Variants in KCNH7 observed in about 807,000 individuals in gnomAD.
KCNH7 encodes voltage-gated inwardly rectifying potassium channel KCNH7.
Under a neutral mutation model 120.8 loss-of-function variants are expected in KCNH7, and 49 were observed. The ratio of observed to expected loss-of-function variants is 0.41; its 90% CI spans 0.32 to 0.51. The LOEUF (loss-of-function observed/expected upper bound fraction) is 0.51. Ranked by LOEUF, KCNH7 falls within the 20% of genes least tolerant of loss-of-function variation. KCNH7 has a pLI of 0.38. For synonymous variants in KCNH7, 547 were observed against 516.1 expected (o/e 1.06, Z -0.81); for missense variants, 1,097 against 1,446.6 (o/e 0.76, Z 3.92).
chr2:162,513,297 CCCTCCTTCCCTCCT>C (rs1691153297), intron 4 of KCNH7, among the ~76,000 whole-genome samples: 1 of 146,700 alleles, frequency 6.8e-6, no homozygotes, highest in Non-Finnish European at 1.5e-5. Context: ...CTCCTTCCTT[CCCTCCTTCCCTCCT>C]TCCTTCTTTC....
chr2:162,716,950 T>C (rs1687143764), intron 2 of KCNH7, among the ~76,000 whole-genome samples: 1 of 150,702 alleles, frequency 6.6e-6, no homozygotes, highest in South Asian at 2.1e-4. Flanking sequence ...TCTGTGATTA[T>C]AGAAAAAATC....
At position 162,482,432 on chromosome 2, in the gene KCNH7, G is replaced by GGT. The variant is rs373503853; in HGVS notation, c.1128+22009_1128+22010dup. Among the ~76,000 whole-genome samples, 104 of 151,598 alleles carry GGT rather than the reference G, an allele frequency of 6.9e-4. 2 individuals are homozygous for GGT. In the South Asian group the frequency reaches 9.8e-3, roughly 14 times the overall value. On this transcript the variant is annotated intron_variant, in intron 6 of 15. Coordinates refer to ENST00000332142, the MANE Select transcript of KCNH7 (RefSeq NM_033272.4). ...GAGCAAATGCCAAAATGTCTTCTGT[G>GGT]GTGTGTGTGTGTGTATGCTTGTTTT... is the stretch of plus-strand genomic sequence containing the variant.
intron 2 of KCNH7, among the ~76,000 whole-genome samples, chr2:162,690,183 G>A (rs1686051068): frequency 6.6e-6 from 1 of 152,034 alleles, no homozygotes; most frequent in Non-Finnish European, 1.5e-5. Flanking sequence ...AAATGATGAG[G>A]ATACTTGGAC....
chr2:162,783,511 T>C (rs1051100423), intron 2 of KCNH7, among the ~76,000 whole-genome samples: 3 of 152,222 alleles, frequency 2.0e-5, no homozygotes, highest in Admixed American at 6.5e-5. Context: ...GGCTTTTCTG[T>C]AGCAGACGGA....
At chr2:162,767,100 T>A (rs1249301268) in intron 2 of KCNH7, among the ~76,000 whole-genome samples, 1 of 152,170 alleles carries the variant, frequency 6.6e-6, no homozygotes, top group Non-Finnish European at 1.5e-5. Context: ...ATAATATGAA[T>A]GTAAAATAAT....
chr2:162,417,305 T>C (rs1230564764), intron 9 of KCNH7, among the ~76,000 whole-genome samples: 1 of 152,182 alleles, frequency 6.6e-6, no homozygotes, highest in East Asian at 1.9e-4. Flanking sequence ...AACTGAACTT[T>C]GATGATCTCT....
intron 2 of KCNH7, among the ~76,000 whole-genome samples, chr2:162,707,553 C>T (rs1686758981): frequency 1.3e-5 from 2 of 152,038 alleles, no homozygotes; most frequent in African/African-American, 4.8e-5. Flanking sequence ...TCAAGCACAT[C>T]TATTGTATCA....
chr2:162,742,648 C>A (rs1688176587), intron 2 of KCNH7, among the ~76,000 whole-genome samples: 1 of 152,110 alleles, frequency 6.6e-6, no homozygotes, highest in Non-Finnish European at 1.5e-5. Flanking sequence ...TAAAACAGTA[C>A]AGATATTTTC....
intron 2 of KCNH7, among the ~76,000 whole-genome samples, chr2:162,639,635 A>C (rs1684078980): frequency 6.6e-6 from 1 of 152,164 alleles, no homozygotes; most frequent in Non-Finnish European, 1.5e-5. Flanking sequence ...AGAGTCTGAA[A>C]GATTGAATGT....
At chr2:162,720,764 A>G (rs932564605) in intron 2 of KCNH7, among the ~76,000 whole-genome samples, 12 of 152,112 alleles carry the variant, frequency 7.9e-5, no homozygotes, top group Non-Finnish European at 1.6e-4. Flanking sequence ...ATGAAAGTGA[A>G]GCAATTGTGG....
chr2:162,627,436 T>C (rs1683600204), intron 2 of KCNH7, among the ~76,000 whole-genome samples: 1 of 152,204 alleles, frequency 6.6e-6, no homozygotes, highest in Non-Finnish European at 1.5e-5. Flanking sequence ...AAATAAAATA[T>C]GTTCCTAAAC....
chr2:162,424,458 T>C (rs1687797092), intron 8 of KCNH7, among the ~76,000 whole-genome samples: 1 of 152,208 alleles, frequency 6.6e-6, no homozygotes, highest in Admixed American at 6.5e-5. Context: ...ATTCTGAATA[T>C]TGATCTTTGG....
At chr2:162,400,110 C>CT in intron 10 of KCNH7, 79 bp downstream of exon 10, 1 of 1,471,954 alleles carries the variant, frequency 6.8e-7, no homozygotes, top group Non-Finnish European at 9.3e-7. Flanking sequence ...ATACATCAGT[C>CT]TTTTTTTCCT....
chr2:162,823,334 TTTAA>T (rs1460251164), intron 2 of KCNH7, among the ~76,000 whole-genome samples: 3 of 152,242 alleles, frequency 2.0e-5, no homozygotes, highest in South Asian at 4.1e-4. Flanking sequence ...CACTCTATTA[TTTAA>T]TTATCTCTAA....
chr2:162,558,665 G>T (rs1350747424), intron 2 of KCNH7, among the ~76,000 whole-genome samples: 1 of 151,876 alleles, frequency 6.6e-6, no homozygotes, highest in East Asian at 1.9e-4. Context: ...TAATAATGGT[G>T]CTCACCATGT....
chr2:162,675,648 T>C (rs1489673722), intron 2 of KCNH7, among the ~76,000 whole-genome samples: 1 of 151,468 alleles, frequency 6.6e-6, no homozygotes, highest in East Asian at 1.9e-4. Flanking sequence ...TTACCACTGA[T>C]ATGTAATTCA....
intron 2 of KCNH7, among the ~76,000 whole-genome samples, chr2:162,726,937 A>G (rs1042473167): frequency 1.3e-5 from 2 of 152,216 alleles, no homozygotes; most frequent in African/African-American, 4.8e-5. Flanking sequence ...GTGGTACATA[A>G]GAACTACAAT....
At chr2:162,703,662 A>G (rs2105347113) in intron 2 of KCNH7, among the ~76,000 whole-genome samples, 1 of 152,270 alleles carries the variant, frequency 6.6e-6, no homozygotes, top group Non-Finnish European at 1.5e-5. Context: ...GGGGGAAGGA[A>G]TTTTAAAACT....
intron 2 of KCNH7, among the ~76,000 whole-genome samples, chr2:162,757,727 C>T (rs780478794): frequency 3.9e-5 from 6 of 152,022 alleles, no homozygotes; most frequent in Non-Finnish European, 7.4e-5. Context: ...CATATCAGAC[C>T]TTGGATTTCT....
Sources: gnomAD v4.1 joint callset for allele counts (sites outside exome capture counted in the v4.1 genomes callset) on GRCh38, gnomAD v4.1.1 for gene constraint, MANE v1.5 for transcripts, NCBI Gene and HGNC (gene_info 2026-07-23, HGNC 2026-07-21) for gene names.